RAPGEFL1: variants seen among roughly 807,000 people sequenced by gnomAD.
RAPGEFL1 encodes the protein Rap guanine nucleotide exchange factor like 1.
A neutral mutation model predicts 64.4 loss-of-function variants in RAPGEFL1; 31 were observed. The observed-to-expected ratio is 0.48, with a 90% confidence interval of 0.36 to 0.65. The LOEUF is 0.65. Ranked by LOEUF, RAPGEFL1 falls within the 30% of genes least tolerant of loss-of-function variation. The pLI is 0.00. For synonymous variants in RAPGEFL1, 331 were observed against 274.1 expected (o/e 1.21, Z -2.05); for missense variants, 682 against 677.4 (o/e 1.01, Z -0.08).
rs1352789614 is a variant in RAPGEFL1, at chr17:40,178,090, C to A, written c.229C>A (p.Leu77Met). 1.7e-6 allele frequency: 1 copy of A among 600,634 alleles called. No homozygotes were observed. Among genetic ancestry groups the A allele is most frequent in the Non-Finnish European group, 2.9e-6 (1 of 339,998 alleles). 37.2% of individuals were successfully genotyped at this position (600,634 alleles called of 1,614,324 possible). ...FLREPPAEPG[L>M]EPPPEEEGGE... ...CCGGGAGCCCCCCGCCGAGCCGGGG[C>A]TGGAGCCGCCCCCTGAGGAGGAAGG... Residue 77 changes from leucine (L) to methionine (M), a missense_variant, in exon 1 of 15, where the codon CTG (leucine) becomes ATG (methionine). Physicochemically the swap from Leu to Met is conservative, Grantham distance 15 (BLOSUM62 2). Coordinates refer to ENST00000620260, the MANE Select transcript of RAPGEFL1 (RefSeq NM_016339.6).
intron 1 of RAPGEFL1, among the ~76,000 whole-genome samples, chr17:40,179,179 G>T (rs1391498380): frequency 1.3e-5 from 2 of 151,928 alleles, no homozygotes; most frequent in Non-Finnish European, 2.9e-5. Context: ...CGATTCTCCT[G>T]CCTCAGCCTC....
intron 6 of RAPGEFL1, among the ~76,000 whole-genome samples, chr17:40,189,880 G>T (rs567071220): frequency 2.0e-5 from 3 of 151,830 alleles, no homozygotes; most frequent in African/African-American, 7.3e-5. Context: ...CACTTGAACC[G>T]CGGAGGCGGA....
chr17:40,189,216 C>T lies in RAPGEFL1; in HGVS notation c.955C>T (p.Arg319Cys), dbSNP rs751331577. 1.4e-5 allele frequency: 23 copies of T among 1,614,064 alleles called. No individual in the cohort carries two copies. Among genetic ancestry groups the T allele is most frequent in the East Asian group, 2.2e-5 (1 of 44,878 alleles). The change falls in exon 6 of 15, where the codon CGT becomes TGT. Residue 319 changes from arginine (R) to cysteine (C), a missense_variant. Transcript: ENST00000620260. The stretch of plus-strand genomic sequence containing the variant: ...TTCCTGTTTCCGTCCAGTCTTCTGC[C>T]GTGTATACATGCCTGACCACTCTTA... ...AFRGSDEIFC[R>C]VYMPDHSYVT...
chr17:40,180,874 C>T (rs888967556), intron 1 of RAPGEFL1, among the ~76,000 whole-genome samples: 3 of 152,358 alleles, frequency 2.0e-5, no homozygotes, highest in East Asian at 3.9e-4. Context: ...CCTCCCTGCA[C>T]CTTGTCTGTC....
At chr17:40,189,601 T>C (rs1990191663) in intron 6 of RAPGEFL1, among the ~76,000 whole-genome samples, 1 of 152,126 alleles carries the variant, frequency 6.6e-6, no homozygotes, top group Non-Finnish European at 1.5e-5. Flanking sequence ...GGCAGGAGGA[T>C]TGCTTGAGCC....
rs1453676874 is a variant in RAPGEFL1 at position 40,193,303 on chromosome 17, C to T, written c.1810-60C>T. On this transcript the variant is annotated intron_variant, in intron 13 of 14. Transcript: ENST00000620260. The stretch of plus-strand genomic sequence containing the variant: ...GAGTGGGAGAATGGCGGAGGGGGAG[C>T]ATAAGAGGGGGAGCCTCTTTCTGTG... 5.9e-6 allele frequency: 9 copies of T among 1,528,882 alleles called. No homozygotes were observed. In the East Asian group the frequency reaches 1.3e-4, roughly 23 times the overall value. The allele number at this position is 1,528,882 out of a possible 1,614,324, so 94.7% of individuals were successfully genotyped here. A position where few individuals can be genotyped will look rare whatever the true frequency, so the allele number is the denominator to read the frequency against.
At position 40,178,228 on chromosome 17, in the gene RAPGEFL1, C is replaced by T; in HGVS notation, c.367C>T (p.Pro123Ser). 1 of 619,882 alleles carries T rather than the reference C, an allele frequency of 1.6e-6. No individual in the cohort carries two copies. Among genetic ancestry groups the T allele is most frequent in the Non-Finnish European group, 2.9e-6 (1 of 341,872 alleles). The allele number at this position is 619,882 out of a possible 1,614,324, so 38.4% of individuals were successfully genotyped here. Residue 123 changes from proline to serine, a missense_variant, in exon 1 of 15, where the codon CCT becomes TCT. This residue lies in a region of RAPGEFL1 where 271 missense variants were observed against 158.0 expected (regional missense o/e 1.72). Transcript: ENST00000620260. ...CGGGGGAGGGGGGCCCCTGCGCTCC[C>T]CTTCCTCCTACTCATCTGACGAGCT... ...PLGGGGPLRS[P>S]SSYSSDELSP...
At chr17:40,182,804 CAG>C (rs1399949304) in intron 2 of RAPGEFL1, among the ~76,000 whole-genome samples, 1 of 152,160 alleles carries the variant, frequency 6.6e-6, no homozygotes, top group Non-Finnish European at 1.5e-5. Flanking sequence ...GGGCCTCTCA[CAG>C]AGTTATTTTA....
intron 1 of RAPGEFL1, among the ~76,000 whole-genome samples, chr17:40,181,085 G>A (rs1989880595): frequency 6.6e-6 from 1 of 152,204 alleles, no homozygotes; most frequent in African/African-American, 2.4e-5. Flanking sequence ...CTATTTAAAG[G>A]TTCTGGGATC....
At position 40,191,437 on chromosome 17, in the gene RAPGEFL1, G is replaced by A. The variant is rs2145223462; in HGVS notation, c.1457G>A (p.Cys486Tyr). 1 of 1,607,230 alleles carries A rather than the reference G, an allele frequency of 6.2e-7. No homozygotes were observed. The highest frequency in any genetic ancestry group is 2.2e-5 in the East Asian group (1 of 44,646). ...THWVATEVLLCEAPGKRAQLL... is the reference protein window; with the variant it reads ...THWVATEVLLYEAPGKRAQLL... ...TGGGTGGCCACCGAAGTGCTGCTCT[G>A]CGAGGCCCCGGGCAAGCGCGCGCAG... The change falls in exon 9 of 15, where the codon TGC (cysteine) becomes TAC (tyrosine). Residue 486 changes from cysteine to tyrosine, a missense_variant. Cys to Tyr is a radical substitution (Grantham distance 194, BLOSUM62 -2). Coordinates refer to ENST00000620260, the MANE Select transcript of RAPGEFL1 (RefSeq NM_016339.6). This position sits in a 1 kb window ranked among gnomAD's most constrained non-coding sequence, Gnocchi z 5.1.
rs766675164 is a variant in RAPGEFL1, at chr17:40,192,707, T to TC, written c.1744+17dup. 1 of 1,605,944 alleles carries TC rather than the reference T, an allele frequency of 6.2e-7. No homozygotes were observed. Among genetic ancestry groups the TC allele is most frequent in the South Asian group, 1.1e-5 (1 of 90,848 alleles). On this transcript the variant is annotated intron_variant, in intron 12 of 14. Transcript: ENST00000620260. ...TGATCCTCAAAGGTGAGAGAGTTAC[T>TC]CCCAAGCTGTGCCGCTTCCACCCAT...
Position 40,177,549 on chromosome 17 carries a change from T to C in RAPGEFL1, c.-313T>C. The C allele has an allele frequency of 1.9e-6, 1 of 514,328 alleles. No individual in the cohort carries two copies. The highest frequency in any genetic ancestry group is 3.4e-6 in the Non-Finnish European group (1 of 294,536). The allele number at this position is 514,328 out of a possible 1,614,324, so 31.9% of individuals were successfully genotyped here. On this transcript the variant is annotated 5_prime_UTR_variant, in exon 1 of 15. Transcript: ENST00000620260. ...CCTCTCAGCCTTGCGCTCCGCCCGC[T>C]GCCTCTGCCGCCGCAGCGCAGAGCC...
In RAPGEFL1 at chr17:40,177,753, C is replaced by T; in HGVS notation, c.-109C>T. Reference sequence around the variant, plus strand: ...CCCCAGTCTGGCGCCTGGCACGGCCCTCTACTCTGCTCCTCCAGCTCTGAG... The same window carrying T: ...CCCCAGTCTGGCGCCTGGCACGGCCTTCTACTCTGCTCCTCCAGCTCTGAG... On this transcript the variant is annotated 5_prime_UTR_variant, in exon 1 of 15. Coordinates refer to ENST00000620260, the MANE Select transcript of RAPGEFL1 (RefSeq NM_016339.6). The T allele has an allele frequency of 2.4e-6, 1 of 410,778 alleles. No homozygotes were observed. Among genetic ancestry groups the T allele is most frequent in the Non-Finnish European group, 4.3e-6 (1 of 235,004 alleles). 25.4% of individuals were successfully genotyped at this position (410,778 alleles called of 1,614,324 possible). A position where few individuals can be genotyped will look rare whatever the true frequency, so the allele number is the denominator to read the frequency against.
At chr17:40,190,356 G>C in intron 6 of RAPGEFL1, 78 bp from the exon 7 acceptor site, 1 of 1,262,238 alleles carries the variant, frequency 7.9e-7, no homozygotes, top group African/African-American at 1.5e-5. Context: ...AGGAGTTTTT[G>C]GATAGGACAG....
At chr17:40,192,099 C>G in intron 10 of RAPGEFL1, 114 bp from the exon 11 acceptor site, 1 of 957,960 alleles carries the variant, frequency 1.0e-6, no homozygotes, top group Non-Finnish European at 1.7e-6. Flanking sequence ...TTCCCAGCCC[C>G]CTACAAGCCA....
At position 40,184,354 on chromosome 17, in the gene RAPGEFL1, G is replaced by T; in HGVS notation, c.735+5G>T. On this transcript the variant is annotated splice_donor_5th_base_variant and intron_variant, in intron 3 of 14. Transcript: ENST00000620260. ...GGGGCCGGCCACATCATCAAGGTGG[G>T]CCTGGGGGAAGAGAAGGTGGGTAAA... is the stretch of plus-strand genomic sequence containing the variant. The T allele has an allele frequency of 6.2e-7, 1 of 1,604,294 alleles. No homozygotes were observed.
At position 40,177,473 on chromosome 17, in the gene RAPGEFL1, T is replaced by A; in HGVS notation, c.-389T>A. The A allele has an allele frequency of 1.6e-6, 1 of 623,278 alleles. No individual in the cohort carries two copies. The highest frequency in any genetic ancestry group is 2.9e-6 in the Non-Finnish European group (1 of 346,644). 38.6% of individuals were successfully genotyped at this position (623,278 alleles called of 1,614,324 possible). A position where few individuals can be genotyped will look rare whatever the true frequency, so the allele number is the denominator to read the frequency against. ...GGGCGCGGTCTCGGTTCTGCCACCT[T>A]CCCCCTCTTCACGGCCAGGAGCGCA... On this transcript the variant is annotated 5_prime_UTR_variant, in exon 1 of 15. Transcript: ENST00000620260.
intron 4 of RAPGEFL1, 61 bp from the exon 5 acceptor site, chr17:40,188,805 T>A: frequency 7.6e-7 from 1 of 1,316,718 alleles, no homozygotes; most frequent in Non-Finnish European, 1.1e-6. Flanking sequence ...TGTTGCCTGC[T>A]TGGTGTTGGT....
At chr17:40,189,954 CAA>C (rs34471525) in intron 6 of RAPGEFL1, among the ~76,000 whole-genome samples, 118 of 142,704 alleles carry the variant, frequency 8.3e-4, no homozygotes, top group Middle Eastern at 3.6e-3. Context: ...AACTCCGTCT[CAA>C]AAAAAAAAAA....
Sources: gnomAD v4.1 joint callset for allele counts (sites outside exome capture counted in the v4.1 genomes callset) on GRCh38, gnomAD v4.1.1 for gene constraint, gnomAD v4.1.1 regional missense constraint, Gnocchi (gnomAD v3.1) non-coding constraint, MANE v1.5 for transcripts, NCBI Gene and HGNC (gene_info 2026-07-23, HGNC 2026-07-21) for gene names.